DOK6: variants seen among roughly 807,000 people sequenced by gnomAD.
The protein encoded by DOK6 is docking protein 6.
DOK6 carries 22 observed loss-of-function variants against 44.0 expected under a neutral mutation model. That is an observed-to-expected ratio of 0.50 (90% confidence interval 0.36 to 0.71). The LOEUF is 0.71. DOK6 is among the 30% of genes least tolerant of loss of function. The probability of loss-of-function intolerance (pLI) is 0.00; values close to 1 mark genes in which losing one functional copy is unlikely to be tolerated. For missense variants in DOK6, 340 were observed against 416.4 expected (o/e 0.82, Z 1.60); for synonymous variants, 166 against 145.5 (o/e 1.14, Z -1.01).
chr18:69,488,782 A>G (rs1204021034), intron 1 of DOK6, among the ~76,000 whole-genome samples: 1 of 152,236 alleles, frequency 6.6e-6, no homozygotes, highest in African/African-American at 2.4e-5. Flanking sequence ...TGTGGAAACT[A>G]CAATTCAAGA....
In DOK6 at chr18:69,628,283, G is replaced by C. The variant is rs145659544; in HGVS notation, c.289+28785G>C. 1.2e-3 allele frequency among the ~76,000 whole-genome samples: 188 copies of C among 152,234 alleles called. 7 individuals are homozygous for C. In the East Asian group the frequency reaches 0.031, roughly 25 times the overall value. Reference sequence around the variant, plus strand: ...AGGCAGGTGGATCACTTGAGGCCAGGAGTTTGAGACCAGCCTGGCAAACTT... The same window carrying C: ...AGGCAGGTGGATCACTTGAGGCCAGCAGTTTGAGACCAGCCTGGCAAACTT... On this transcript the variant is annotated intron_variant, in intron 3 of 7. Transcript: ENST00000382713.
At chr18:69,404,922 C>T (rs534652144) in intron 1 of DOK6, among the ~76,000 whole-genome samples, 3 of 152,078 alleles carry the variant, frequency 2.0e-5, no homozygotes, top group African/African-American at 7.2e-5. Context: ...TGTGTTAAGC[C>T]TGAATTAGTT....
At chr18:69,472,017 C>G (rs7238969) in intron 1 of DOK6, among the ~76,000 whole-genome samples, 2 of 152,048 alleles carry the variant, frequency 1.3e-5, no homozygotes, top group African/African-American at 4.8e-5. Flanking sequence ...ATTTCCTCAG[C>G]AGGGACTGTG....
At chr18:69,421,094 A>G (rs1268488762) in intron 1 of DOK6, among the ~76,000 whole-genome samples, 1 of 152,176 alleles carries the variant, frequency 6.6e-6, no homozygotes, top group African/African-American at 2.4e-5. Flanking sequence ...AAAGATTAAG[A>G]CAGGTTCTCA....
rs1982228801 is a variant in DOK6, at chr18:69,841,761, T to G, written c.*378T>G. 5.0e-6 allele frequency: 1 copy of G among 201,560 alleles called. No individual in the cohort carries two copies. Among genetic ancestry groups the G allele is most frequent in the African/African-American group, 2.3e-5 (1 of 44,098 alleles). The allele number at this position is 201,560 out of a possible 1,614,324, so 12.5% of individuals were successfully genotyped here. ...GACCTCACAGCGCAGTCCGCCCATC[T>G]GAGCACAGGGTCTGTCCTTAGACAT... On this transcript the variant is annotated 3_prime_UTR_variant, in exon 8 of 8. Coordinates refer to ENST00000382713, the MANE Select transcript of DOK6 (RefSeq NM_152721.6).
chr18:69,840,010 G>A (rs942078728), intron 7 of DOK6, among the ~76,000 whole-genome samples: 2 of 152,158 alleles, frequency 1.3e-5, no homozygotes, highest in African/African-American at 4.8e-5. Context: ...AAGTGGTTCC[G>A]TTCTAATTAG....
At chr18:69,506,543 C>T (rs1981191729) in intron 1 of DOK6, among the ~76,000 whole-genome samples, 1 of 152,044 alleles carries the variant, frequency 6.6e-6, no homozygotes, top group African/African-American at 2.4e-5. Flanking sequence ...TAATATAATG[C>T]ATTTGGGATT....
chr18:69,610,514 C>T (rs1382634642), intron 3 of DOK6, among the ~76,000 whole-genome samples: 1 of 152,084 alleles, frequency 6.6e-6, no homozygotes, highest in Non-Finnish European at 1.5e-5. Context: ...ATTTTGCAAT[C>T]ACTAGAAAGA....
Position 69,763,437 on chromosome 18 carries a change from C to T in DOK6, c.856+5564C>T, listed in dbSNP as rs548089512. On this transcript the variant is annotated intron_variant, in intron 7 of 7. Coordinates refer to ENST00000382713, the MANE Select transcript of DOK6 (RefSeq NM_152721.6). ...TCTCTAGACTGAGGGAAACCTAAAC[C>T]GTAAAGGGATGAACATGATTTTAAA... 5.3e-5 allele frequency among the ~76,000 whole-genome samples: 8 copies of T among 152,118 alleles called. No individual in the cohort carries two copies. The South Asian group carries it at 1.7e-3, about 32-fold the overall frequency.
At chr18:69,537,238 G>T (rs1982149610) in intron 1 of DOK6, among the ~76,000 whole-genome samples, 1 of 152,078 alleles carries the variant, frequency 6.6e-6, no homozygotes. Flanking sequence ...GCTCACTTCT[G>T]CCTTCTGGCT....
intron 7 of DOK6, among the ~76,000 whole-genome samples, chr18:69,840,681 G>T (rs1464944644): frequency 6.6e-6 from 1 of 152,194 alleles, no homozygotes; most frequent in Admixed American, 6.5e-5. Context: ...CATGAAGTGA[G>T]TTCAGTGACG....
chr18:69,431,061 G>T (rs1487795693), intron 1 of DOK6, among the ~76,000 whole-genome samples: 2 of 152,106 alleles, frequency 1.3e-5, no homozygotes, highest in Middle Eastern at 3.2e-3. Context: ...ACAAAATCAG[G>T]TTTATTACCT....
chr18:69,435,828 C>T (rs374101465), intron 1 of DOK6, among the ~76,000 whole-genome samples: 2 of 151,984 alleles, frequency 1.3e-5, no homozygotes, highest in African/African-American at 2.4e-5. Flanking sequence ...CTCCCTCTTT[C>T]GTTTTTATCC....
At chr18:69,548,058 A>T (rs972658315) in intron 1 of DOK6, among the ~76,000 whole-genome samples, 2 of 150,396 alleles carry the variant, frequency 1.3e-5, no homozygotes, top group Non-Finnish European at 3.0e-5. Context: ...GGTTCACTCC[A>T]TTCTCCTGCC....
rs561454765 is a variant in DOK6 at position 69,739,175 on chromosome 18, G to A, written c.738+72G>A. On this transcript the variant is annotated intron_variant, in intron 6 of 7. Coordinates refer to ENST00000382713, the MANE Select transcript of DOK6 (RefSeq NM_152721.6). ...CTGGGATCTGATGTACACTGTGTAT[G>A]TGTGGGGCCATTCATGTCAGCGCCT... is the stretch of plus-strand genomic sequence containing the variant. The A allele has an allele frequency of 1.9e-6, 3 of 1,577,088 alleles. No homozygotes were observed. The African/African-American group carries it at 4.0e-5, about 21-fold the overall frequency.
chr18:69,493,847 A>C (rs1445450873), intron 1 of DOK6, among the ~76,000 whole-genome samples: 1 of 152,224 alleles, frequency 6.6e-6, no homozygotes, highest in Admixed American at 6.5e-5. Context: ...ATTGACAAAC[A>C]ACACTGTATA....
intron 6 of DOK6, among the ~76,000 whole-genome samples, chr18:69,749,592 A>G (rs1002484562): frequency 1.3e-5 from 2 of 152,170 alleles, no homozygotes; most frequent in Non-Finnish European, 2.9e-5. Context: ...TTAAAGAGGG[A>G]TACTTCATCC....
At chr18:69,839,510 C>G (rs1982151287) in intron 7 of DOK6, among the ~76,000 whole-genome samples, 1 of 152,240 alleles carries the variant, frequency 6.6e-6, no homozygotes, top group African/African-American at 2.4e-5. Context: ...TCCTCCCCTC[C>G]TCTGCCCTGC....
chr18:69,503,763 T>C (rs1464111072), intron 1 of DOK6, among the ~76,000 whole-genome samples: 1 of 152,014 alleles, frequency 6.6e-6, no homozygotes, highest in Non-Finnish European at 1.5e-5. Context: ...ATAATTTTAA[T>C]ATATTATTTG....
Sources: gnomAD v4.1 joint callset for allele counts (sites outside exome capture counted in the v4.1 genomes callset) on GRCh38, gnomAD v4.1.1 for gene constraint, MANE v1.5 for transcripts, NCBI Gene and HGNC (gene_info 2026-07-23, HGNC 2026-07-21) for gene names.